The following SLIT1 variants were observed in gnomAD, a reference collection of about 807,000 sequenced individuals.
SLIT1 encodes slit homolog 1 protein.
A neutral mutation model predicts 186.1 loss-of-function variants in SLIT1; 66 were observed. The ratio of observed to expected loss-of-function variants is 0.35; its 90% CI spans 0.29 to 0.44. The LOEUF (loss-of-function observed/expected upper bound fraction) is 0.44, where lower values mean the gene tolerates loss of function less well. Ranked by LOEUF, SLIT1 falls within the 20% of genes least tolerant of loss-of-function variation. The pLI is 1.00. For synonymous variants in SLIT1, 761 were observed against 833.8 expected, an observed-to-expected ratio of 0.91 and a Z score of 1.50; for missense variants, 1,638 against 2,037.4, an observed-to-expected ratio of 0.80 and a Z score of 3.77.
At chr10:97,161,580 C>T (rs1450406358) in intron 3 of SLIT1, among the ~76,000 whole-genome samples, 1 of 152,178 alleles carries the variant, frequency 6.6e-6, no homozygotes, top group Non-Finnish European at 1.5e-5. Context: ...AGTTCAAGAC[C>T]AGCCTGCCCA....
chr10:97,002,402 CA>C (rs1848319181), intron 35 of SLIT1, 33 bp from the exon 36 acceptor site: 2 of 1,507,970 alleles, frequency 1.3e-6, no homozygotes, highest in Non-Finnish European at 1.8e-6. Flanking sequence ...GCTGTGAGGA[CA>C]AACCCAGCCA....
chr10:97,174,538 G>A (rs1292566623), intron 1 of SLIT1, among the ~76,000 whole-genome samples: 2 of 152,228 alleles, frequency 1.3e-5, no homozygotes, highest in African/African-American at 4.8e-5. Flanking sequence ...CAGTGGGGAA[G>A]CCCCAAGGAG....
chr10:97,082,709 C>T (rs1295824836), intron 4 of SLIT1, among the ~76,000 whole-genome samples: 3 of 152,208 alleles, frequency 2.0e-5, no homozygotes, highest in African/African-American at 7.2e-5. Flanking sequence ...GCTGGGATTA[C>T]AGGAGTGAGC....
At chr10:97,151,597 G>A (rs1849880891) in intron 4 of SLIT1, among the ~76,000 whole-genome samples, 1 of 151,760 alleles carries the variant, frequency 6.6e-6, no homozygotes, top group African/African-American at 2.4e-5. Context: ...GGTGGAGGGG[G>A]TGGATGGGTG....
chr10:97,077,527 C>T (rs918178094), intron 4 of SLIT1, among the ~76,000 whole-genome samples: 4 of 152,178 alleles, frequency 2.6e-5, no homozygotes, highest in Non-Finnish European at 5.9e-5. Context: ...AGCCTGGATT[C>T]AAAACGAAGC....
chr10:97,047,406 CA>C (rs1173873621), intron 16 of SLIT1, among the ~76,000 whole-genome samples: 1 of 152,214 alleles, frequency 6.6e-6, no homozygotes, highest in African/African-American at 2.4e-5. Context: ...CAGAATAAGA[CA>C]AACGCATCGT....
intron 21 of SLIT1, among the ~76,000 whole-genome samples, chr10:97,038,614 G>C (rs1392937753): frequency 6.6e-6 from 1 of 152,160 alleles, no homozygotes; most frequent in East Asian, 1.9e-4. Context: ...GCCTGAAGGT[G>C]CTAAGCAGTG....
chr10:97,027,818 G>A (rs1288167106), intron 25 of SLIT1, among the ~76,000 whole-genome samples: 1 of 152,176 alleles, frequency 6.6e-6, no homozygotes, highest in African/African-American at 2.4e-5. Context: ...GAGACAAGAT[G>A]TACTCAGGTG....
intron 4 of SLIT1, among the ~76,000 whole-genome samples, chr10:97,089,807 C>T (rs1484751660): frequency 6.6e-6 from 1 of 152,158 alleles, no homozygotes; most frequent in South Asian, 2.1e-4. Flanking sequence ...ATCCAACAAG[C>T]ATTTCACATG....
At chr10:97,132,710 C>T (rs1849665571) in intron 4 of SLIT1, among the ~76,000 whole-genome samples, 1 of 152,226 alleles carries the variant, frequency 6.6e-6, no homozygotes, top group Non-Finnish European at 1.5e-5. Flanking sequence ...CCAGTTACTA[C>T]TAGGCGCCCT....
At chr10:97,079,334 A>C (rs1246035451) in intron 4 of SLIT1, among the ~76,000 whole-genome samples, 1 of 152,174 alleles carries the variant, frequency 6.6e-6, no homozygotes, top group African/African-American at 2.4e-5. Context: ...ATGATGTTTT[A>C]CTTTTTGATC....
intron 6 of SLIT1, 38 bp from the exon 7 acceptor site, chr10:97,064,277 A>C (rs772623988): frequency 1.3e-5 from 20 of 1,568,272 alleles, no homozygotes; most frequent in African/African-American, 2.7e-5. Flanking sequence ...GCACCTGCCC[A>C]GCAGGAGATG....
In SLIT1 at chr10:97,064,314, G is replaced by C. The variant is rs376119972; in HGVS notation, c.558-75C>G. On this transcript the variant is annotated intron_variant, in intron 6 of 36. Transcript: ENST00000266058. ...TGTGGGACAGGGCCGCCCTGCTAAC[G>C]AACAGGGAGGCTCTCGACCTTAAAG... The C allele has an allele frequency of 7.5e-6, 9 of 1,205,598 alleles. No individual in the cohort carries two copies. The East Asian group carries it at 1.4e-4, about 19-fold the overall frequency. 74.7% of individuals were successfully genotyped at this position (1,205,598 alleles called of 1,614,324 possible).
intron 30 of SLIT1, among the ~76,000 whole-genome samples, chr10:97,011,667 C>A (rs1848411870): frequency 1.3e-5 from 2 of 152,172 alleles, no homozygotes. Flanking sequence ...TGCCTCACTG[C>A]TGGCCCAAAA....
At chr10:97,034,207 C>T (rs139897194) in intron 23 of SLIT1, among the ~76,000 whole-genome samples, 1 of 152,254 alleles carries the variant, frequency 6.6e-6, no homozygotes, top group East Asian at 1.9e-4. Context: ...TGTGTGCTAG[C>T]TTTATGATTA....
chr10:97,045,562 TG>T lies in SLIT1; in HGVS notation c.1853+1091del, dbSNP rs1298963826. ...GGGTATGGGCCCTTCTCTTTTCCTC[TG>T]TCCTTATCTAAGTCTTCCTTGGAAA... On this transcript the variant is annotated intron_variant, in intron 18 of 36. Coordinates refer to ENST00000266058, the MANE Select transcript of SLIT1 (RefSeq NM_003061.3). 1.5e-4 allele frequency among the ~76,000 whole-genome samples: 23 copies of T among 152,342 alleles called. No homozygotes were observed. In the East Asian group the frequency reaches 4.0e-3, roughly 27 times the overall value.
Position 97,069,912 on chromosome 10 carries a change from G to A in SLIT1, c.414-3826C>T, listed in dbSNP as rs117617867. Among the ~76,000 whole-genome samples, 163 of 152,190 alleles carry A rather than the reference G, an allele frequency of 1.1e-3. 5 individuals carry two copies. The East Asian group carries it at 0.031, about 29-fold the overall frequency. ...ATGGAAACGGTAATGGATAACCTCC[G>A]AGACTAGATCATAAAAGACACTGTA... On this transcript the variant is annotated intron_variant, in intron 4 of 36. Transcript: ENST00000266058.
intron 4 of SLIT1, among the ~76,000 whole-genome samples, chr10:97,097,824 A>G (rs1849307322): frequency 6.6e-6 from 1 of 152,188 alleles, no homozygotes; most frequent in Non-Finnish European, 1.5e-5. Flanking sequence ...TTCCCCAGCC[A>G]TACACAATCT....
At chr10:97,018,795 T>C (rs1848477138) in intron 27 of SLIT1, 112 bp from the exon 28 acceptor site, 1 of 692,168 alleles carries the variant, frequency 1.4e-6, no homozygotes, top group Non-Finnish European at 2.5e-6. Flanking sequence ...GAGTTACTTG[T>C]TTTCATTCAT....
Sources: allele counts gnomAD v4.1 joint callset (sites outside exome capture counted in the v4.1 genomes callset), GRCh38; gene constraint gnomAD v4.1.1; transcripts MANE v1.5; gene names NCBI Gene and HGNC (gene_info 2026-07-23, HGNC 2026-07-21).